The following CACNB2 variants were observed in gnomAD, a reference collection of about 807,000 sequenced individuals.
CACNB2 encodes voltage-dependent L-type calcium channel subunit beta-2.
A neutral mutation model predicts 73.3 loss-of-function variants in CACNB2; 42 were observed. That is an observed-to-expected ratio of 0.57 (90% confidence interval 0.45 to 0.74). The LOEUF (loss-of-function observed/expected upper bound fraction) is 0.74, where lower values mean the gene tolerates loss of function less well. CACNB2 is among the 30% of genes least tolerant of loss of function. The pLI, the probability that CACNB2 is intolerant of heterozygous loss-of-function variation, is 0.00. For synonymous variants in CACNB2, 348 were observed against 310.3 expected (o/e 1.12, Z -1.28); for missense variants, 940 against 853.0 (o/e 1.10, Z -1.27).
At chr10:18,336,653 A>C (rs1278432959) in intron 2 of CACNB2, among the ~76,000 whole-genome samples, 1 of 152,020 alleles carries the variant, frequency 6.6e-6, no homozygotes, top group Non-Finnish European at 1.5e-5. Flanking sequence ...GACTTAGGGG[A>C]TAATCTTTCC....
At chr10:18,331,002 T>C (rs1352366352) in intron 2 of CACNB2, among the ~76,000 whole-genome samples, 3 of 150,230 alleles carry the variant, frequency 2.0e-5, no homozygotes, top group Admixed American at 1.3e-4. Flanking sequence ...CCTTTTTTTT[T>C]TGGAAACCGA....
At chr10:18,297,566 GAA>G (rs1446544661) in intron 2 of CACNB2, among the ~76,000 whole-genome samples, 1 of 152,096 alleles carries the variant, frequency 6.6e-6, no homozygotes, top group Non-Finnish European at 1.5e-5. Context: ...TTTAAAAAAA[GAA>G]AAGTTTCTCA....
At chr10:18,366,706 C>G (rs1452615485) in intron 2 of CACNB2, among the ~76,000 whole-genome samples, 1 of 151,648 alleles carries the variant, frequency 6.6e-6, no homozygotes, top group Non-Finnish European at 1.5e-5. Context: ...CCGGAAATCA[C>G]TTGAACTCGG....
At chr10:18,476,561 G>A (rs1210925895) in intron 3 of CACNB2, among the ~76,000 whole-genome samples, 2 of 152,114 alleles carry the variant, frequency 1.3e-5, no homozygotes. Context: ...AGGCTGAAGC[G>A]ATGTTATGAA....
At chr10:18,407,312 G>A (rs781069034) in intron 3 of CACNB2, among the ~76,000 whole-genome samples, 1 of 151,486 alleles carries the variant, frequency 6.6e-6, no homozygotes, top group Non-Finnish European at 1.5e-5. Flanking sequence ...AGTAGAGACA[G>A]GGTTTCTCCA....
At chr10:18,150,217 T>C (rs976431608) in intron 1 of CACNB2, among the ~76,000 whole-genome samples, 51 of 152,220 alleles carry the variant, frequency 3.4e-4, no homozygotes, top group African/African-American at 1.2e-3. Context: ...CCCAATCCTA[T>C]TATCGAAACA....
chr10:18,435,064 G>A (rs116370501), intron 3 of CACNB2, among the ~76,000 whole-genome samples: 135 of 152,268 alleles, frequency 8.9e-4, no homozygotes, highest in African/African-American at 3.0e-3. Flanking sequence ...TGGAGCCCAC[G>A]TAGATGCCTT....
At chr10:18,441,378 C>G (rs2046403523) in intron 3 of CACNB2, among the ~76,000 whole-genome samples, 1 of 152,184 alleles carries the variant, frequency 6.6e-6, no homozygotes, top group South Asian at 2.1e-4. Context: ...GCACTCTAGT[C>G]TGCCGACAGA....
chr10:18,510,868 A>G (rs1251075605), intron 6 of CACNB2, among the ~76,000 whole-genome samples: 1 of 152,222 alleles, frequency 6.6e-6, no homozygotes, highest in African/African-American at 2.4e-5. Flanking sequence ...GTTAACATGT[A>G]TTGTAGGAAT....
intron 2 of CACNB2, among the ~76,000 whole-genome samples, chr10:18,345,936 G>C (rs1408669748): frequency 6.6e-6 from 1 of 152,216 alleles, no homozygotes. Flanking sequence ...CGCTTAGTAT[G>C]AAAAGTGCAT....
intron 3 of CACNB2, among the ~76,000 whole-genome samples, chr10:18,488,985 C>T (rs191980214): frequency 7.2e-5 from 11 of 152,046 alleles, no homozygotes; most frequent in African/African-American, 2.7e-4. Flanking sequence ...TGAGACCAGC[C>T]TGGCTAACAT....
chr10:18,533,664 A>G (rs1421108486), intron 10 of CACNB2, among the ~76,000 whole-genome samples: 5 of 152,224 alleles, frequency 3.3e-5, no homozygotes. Flanking sequence ...AACATAGATC[A>G]GCCCGTGCAC....
intron 2 of CACNB2, among the ~76,000 whole-genome samples, chr10:18,368,423 C>T (rs1339387288): frequency 6.6e-6 from 1 of 152,122 alleles, no homozygotes; most frequent in Admixed American, 6.5e-5. Flanking sequence ...AAAACTTCTA[C>T]GAAACAAGTA....
At chr10:18,320,492 T>C (rs1172863242) in intron 2 of CACNB2, among the ~76,000 whole-genome samples, 2 of 152,184 alleles carry the variant, frequency 1.3e-5, no homozygotes, top group South Asian at 2.1e-4. Flanking sequence ...ATTAAGTCTT[T>C]GCATGAAAAA....
At chr10:18,515,414 A>G (rs1315479001) in intron 7 of CACNB2, among the ~76,000 whole-genome samples, 1 of 152,164 alleles carries the variant, frequency 6.6e-6, no homozygotes, top group East Asian at 1.9e-4. Context: ...TGGCAAAACC[A>G]TGGATATATT....
In CACNB2 at chr10:18,300,704, C is replaced by A. The variant is rs370777191; in HGVS notation, c.214-101220C>A. ...TCTCTACTAAAAATACAAAAATTAG[C>A]CGTGCATGGTGGTGGGCACCTGTAA... On this transcript the variant is annotated intron_variant, in intron 2 of 13. Coordinates refer to ENST00000324631, the MANE Select transcript of CACNB2 (RefSeq NM_201596.3). 5.9e-5 allele frequency among the ~76,000 whole-genome samples: 9 copies of A among 152,156 alleles called. No individual in the cohort carries two copies. The South Asian group carries it at 8.3e-4, about 14-fold the overall frequency.
At chr10:18,521,433 G>C (rs988741079) in intron 9 of CACNB2, among the ~76,000 whole-genome samples, 2 of 152,140 alleles carry the variant, frequency 1.3e-5, no homozygotes, top group African/African-American at 4.8e-5. Context: ...TAAAGGACAT[G>C]GGCAAGGAGT....
intron 5 of CACNB2, among the ~76,000 whole-genome samples, chr10:18,503,336 C>G (rs1413437089): frequency 6.6e-6 from 1 of 152,152 alleles, no homozygotes; most frequent in Non-Finnish European, 1.5e-5. Context: ...GTGGCTCATG[C>G]CTGTAATCCC....
At chr10:18,331,052 C>G (rs959643789) in intron 2 of CACNB2, among the ~76,000 whole-genome samples, 1 of 151,322 alleles carries the variant, frequency 6.6e-6, no homozygotes, top group Non-Finnish European at 1.5e-5. Context: ...ATGGCGCGAT[C>G]TTGGCCCACT....
Sources: gnomAD v4.1 joint callset for allele counts (sites outside exome capture counted in the v4.1 genomes callset) on GRCh38, gnomAD v4.1.1 for gene constraint, MANE v1.5 for transcripts, NCBI Gene and HGNC (gene_info 2026-07-23, HGNC 2026-07-21) for gene names.